The following ZNF678 variants were observed in gnomAD, a reference collection of about 807,000 sequenced individuals.
The protein encoded by ZNF678 is zinc finger protein 678, also known as hypothetical protein MGC42493.
A neutral mutation model predicts 3.0 loss-of-function variants in ZNF678; 5 were observed. The ratio of observed to expected loss-of-function variants is 1.69; its 90% CI spans 0.88 to 3.56. The LOEUF is 3.56. ZNF678 is among the 30% of genes most tolerant of loss of function. ZNF678 has a pLI of 0.00. For synonymous variants in ZNF678, 218 were observed against 199.6 expected, an observed-to-expected ratio of 1.09 and a Z score of -0.78; for missense variants, 593 against 605.0, an observed-to-expected ratio of 0.98 and a Z score of 0.21.
At chr1:227,650,337 G>T (rs1402842146) in intron 2 of ZNF678, among the ~76,000 whole-genome samples, 1 of 152,016 alleles carries the variant, frequency 6.6e-6, no homozygotes, top group Non-Finnish European at 1.5e-5. Flanking sequence ...GTTTATTTCT[G>T]AGCTCTCTAT....
chr1:227,616,417 G>A (rs1321494560), intron 1 of ZNF678, among the ~76,000 whole-genome samples: 1 of 152,202 alleles, frequency 6.6e-6, no homozygotes, highest in Non-Finnish European at 1.5e-5. Context: ...CTGTTTCTCA[G>A]TAATTCTTCT....
At chr1:227,607,980 A>T (rs1322714499) in intron 1 of ZNF678, among the ~76,000 whole-genome samples, 1 of 151,724 alleles carries the variant, frequency 6.6e-6, no homozygotes, top group African/African-American at 2.4e-5. Flanking sequence ...AGAAACATTG[A>T]TTAGTTAGAA....
chr1:227,601,034 T>C (rs1331181130), intron 1 of ZNF678, among the ~76,000 whole-genome samples: 1 of 152,236 alleles, frequency 6.6e-6, no homozygotes, highest in Non-Finnish European at 1.5e-5. Context: ...GGAAGTTCTT[T>C]ATTCATTGCA....
At chr1:227,671,388 G>GA (rs756200880) in intron 5 of ZNF678, among the ~76,000 whole-genome samples, 19 of 150,546 alleles carry the variant, frequency 1.3e-4, no homozygotes, top group East Asian at 9.7e-4. Flanking sequence ...CAATTCTAGA[G>GA]AAAAAAAAAC....
chr1:227,630,482 A>G (rs1571899681), intron 1 of ZNF678, among the ~76,000 whole-genome samples: 1 of 152,282 alleles, frequency 6.6e-6, no homozygotes, highest in Admixed American at 6.5e-5. Context: ...CACTTCTCTC[A>G]TTTGGGGTTA....
intron 1 of ZNF678, among the ~76,000 whole-genome samples, chr1:227,597,775 C>T (rs1375844351): frequency 2.0e-5 from 3 of 152,140 alleles, no homozygotes; most frequent in Non-Finnish European, 2.9e-5. Context: ...AAGGATGACA[C>T]TAAGCTCAGT....
Position 227,654,796 on chromosome 1 carries a change from A to C in ZNF678, c.546A>C (p.Lys182Asn). The C allele has an allele frequency of 6.2e-7, 1 of 1,613,000 alleles. No individual in the cohort carries two copies. ...KKIHTGEKPY[K>N]CDECDKVFNW... ...TTCATACTGGAGAGAAACCCTACAA[A>C]TGTGATGAATGTGACAAAGTTTTTA... The change falls in exon 4 of 4, where the codon AAA (lysine) becomes AAC (asparagine). Residue 182 changes from lysine (K) to asparagine (N), a missense_variant. By Grantham distance (94) the Lys-to-Asn change is moderately conservative. Transcript: ENST00000343776.
chr1:227,653,315 T>TAA (rs1659134527), intron 3 of ZNF678, among the ~76,000 whole-genome samples: 1 of 152,040 alleles, frequency 6.6e-6, no homozygotes, highest in Non-Finnish European at 1.5e-5. Context: ...CTTGTATTCT[T>TAA]CAGTCCCACA....
intron 1 of ZNF678, among the ~76,000 whole-genome samples, chr1:227,597,363 C>A (rs59753688): frequency 6.6e-6 from 1 of 152,084 alleles, no homozygotes; most frequent in African/African-American, 2.4e-5. Flanking sequence ...ATAGCCATCA[C>A]GAACGTGTCA....
chr1:227,591,369 A>T (rs1323887951), intron 1 of ZNF678, among the ~76,000 whole-genome samples: 2 of 152,050 alleles, frequency 1.3e-5, no homozygotes, highest in South Asian at 2.1e-4. Flanking sequence ...GATTTTTTTC[A>T]TTTTTTTAAA....
chr1:227,630,366 C>T (rs1401321086), intron 1 of ZNF678, among the ~76,000 whole-genome samples: 3 of 152,228 alleles, frequency 2.0e-5, no homozygotes, highest in African/African-American at 4.8e-5. Context: ...CTGGAAACTG[C>T]CTGCTGGCCT....
At chr1:227,616,168 C>G (rs1658136377) in intron 1 of ZNF678, among the ~76,000 whole-genome samples, 1 of 152,202 alleles carries the variant, frequency 6.6e-6, no homozygotes, top group Non-Finnish European at 1.5e-5. Context: ...TACCTATTTT[C>G]TTACCCACCT....
At chr1:227,572,161 C>T (rs137872877) in intron 1 of ZNF678, among the ~76,000 whole-genome samples, 101 of 152,346 alleles carry the variant, frequency 6.6e-4, no homozygotes, top group African/African-American at 2.4e-3. Flanking sequence ...CAAAACCTTA[C>T]GTTTTTATAG....
intron 1 of ZNF678, among the ~76,000 whole-genome samples, chr1:227,627,890 G>A (rs1387641874): frequency 6.6e-6 from 1 of 152,194 alleles, no homozygotes; most frequent in Non-Finnish European, 1.5e-5. Context: ...ACCTCTAGAA[G>A]GTCCCCTCGA....
intron 1 of ZNF678, among the ~76,000 whole-genome samples, chr1:227,614,262 C>T (rs1037686924): frequency 6.6e-6 from 1 of 152,294 alleles, no homozygotes; most frequent in South Asian, 2.1e-4. Context: ...TTGATTTTAT[C>T]CCTTTGTTGC....
At chr1:227,601,101 C>A (rs373535523) in intron 1 of ZNF678, among the ~76,000 whole-genome samples, 3 of 152,218 alleles carry the variant, frequency 2.0e-5, no homozygotes, top group Admixed American at 6.5e-5. Context: ...GCTCTCTATG[C>A]TGTTTCATGT....
At chr1:227,620,256 C>T (rs1658247212) in intron 1 of ZNF678, among the ~76,000 whole-genome samples, 2 of 152,174 alleles carry the variant, frequency 1.3e-5, no homozygotes, top group South Asian at 4.1e-4. Flanking sequence ...ATAAAACAGG[C>T]TGGTTACCCA....
chr1:227,639,988 T>C (rs1478919810), intron 1 of ZNF678, among the ~76,000 whole-genome samples: 1 of 152,190 alleles, frequency 6.6e-6, no homozygotes, highest in East Asian at 1.9e-4. Context: ...ATATCTTTGG[T>C]TCCTGCTACT....
chr1:227,640,799 G>T (rs1658801190), intron 1 of ZNF678, among the ~76,000 whole-genome samples: 1 of 152,092 alleles, frequency 6.6e-6, no homozygotes, highest in Non-Finnish European at 1.5e-5. Context: ...GGAGGACCGG[G>T]AGTTTCCCAT....
Sources: gnomAD v4.1 joint callset for allele counts (sites outside exome capture counted in the v4.1 genomes callset) on GRCh38, gnomAD v4.1.1 for gene constraint, MANE v1.5 for transcripts, NCBI Gene and HGNC (gene_info 2026-07-23, HGNC 2026-07-21) for gene names.